SLC43A1: variants seen among roughly 807,000 people sequenced by gnomAD.
The protein encoded by SLC43A1 is solute carrier family 43 member 1, also known as large neutral amino acids transporter small subunit 3.
SLC43A1 carries 31 observed loss-of-function variants against 59.5 expected under a neutral mutation model. The ratio of observed to expected loss-of-function variants is 0.52; its 90% CI spans 0.39 to 0.70. The LOEUF (loss-of-function observed/expected upper bound fraction) is 0.70, where lower values mean the gene tolerates loss of function less well. SLC43A1 is among the 30% of genes least tolerant of loss of function. The pLI is 0.00. For synonymous variants in SLC43A1, 259 were observed against 290.9 expected (o/e 0.89, Z 1.12); for missense variants, 598 against 717.8 (o/e 0.83, Z 1.91).
rs532407467 is a variant in SLC43A1 at position 57,502,488 on chromosome 11, G to A, written c.155-1159C>T. 8.5e-5 allele frequency among the ~76,000 whole-genome samples: 13 copies of A among 152,286 alleles called. No homozygotes were observed. In the East Asian group the frequency reaches 2.5e-3, roughly 29 times the overall value. On this transcript the variant is annotated intron_variant, in intron 2 of 14. Transcript: ENST00000278426. ...AAGGGGTAGCTGACCCTCCTGGTGG[G>A]TCATGTGGTAAGCACGTACTCTAGG...
intron 11 of SLC43A1, 80 bp from the exon 12 acceptor site, chr11:57,489,472 C>G (rs1943839399): frequency 6.5e-7 from 1 of 1,531,092 alleles, no homozygotes; most frequent in Non-Finnish European, 8.9e-7. Context: ...CCTCCCCCTT[C>G]AGATGTGCCT....
chr11:57,496,198 C>A, intron 6 of SLC43A1, 34 bp from the exon 7 acceptor site: 9 of 1,611,304 alleles, frequency 5.6e-6, no homozygotes, highest in Non-Finnish European at 7.6e-6. Flanking sequence ...GTGGGGGAGA[C>A]TGCCTGGCCC....
Position 57,513,612 on chromosome 11 carries a change from G to C in SLC43A1, c.154+346C>G, listed in dbSNP as rs147815752. Among the ~76,000 whole-genome samples, 330 of 152,318 alleles carry C rather than the reference G, an allele frequency of 2.2e-3. 4 individuals carry two copies. Among genetic ancestry groups the C allele is most frequent in the African/African-American group, 7.5e-3 (313 of 41,584 alleles). On this transcript the variant is annotated intron_variant, in intron 2 of 14. Transcript: ENST00000278426. ...TTATATTCATACTCCACTTTGTGCA[G>C]CTCTCCCTTGTCTTATGATAGCCCT...
In SLC43A1 at chr11:57,497,932, G is replaced by A. The variant is rs184713456; in HGVS notation, c.466-87C>T. The A allele has an allele frequency of 4.0e-4, 358 of 901,690 alleles. 2 individuals are homozygous for A. The East Asian group carries it at 4.6e-3, about 12-fold the overall frequency. The allele number at this position is 901,690 out of a possible 1,614,324, so 55.9% of individuals were successfully genotyped here. On this transcript the variant is annotated intron_variant, in intron 5 of 14. Transcript: ENST00000278426. ...GCCCTGCTCCATACAATAGCCCCAGGAGACGCAGCAGAAAAGCCCCAAGGT... is the reference window on the plus strand; with the variant it reads ...GCCCTGCTCCATACAATAGCCCCAGAAGACGCAGCAGAAAAGCCCCAAGGT...
At chr11:57,487,532 A>G (rs1158277704) in intron 13 of SLC43A1, among the ~76,000 whole-genome samples, 1 of 152,058 alleles carries the variant, frequency 6.6e-6, no homozygotes, top group East Asian at 1.9e-4. Flanking sequence ...TCTGTCAACA[A>G]ACATTTAGCT....
At chr11:57,505,606 G>C (rs188695806) in intron 2 of SLC43A1, among the ~76,000 whole-genome samples, 1 of 152,102 alleles carries the variant, frequency 6.6e-6, no homozygotes, top group African/African-American at 2.4e-5. Flanking sequence ...TATGTATAAC[G>C]TGTGGGGGTG....
At chr11:57,509,318 G>A (rs1944467393) in intron 2 of SLC43A1, among the ~76,000 whole-genome samples, 2 of 152,008 alleles carry the variant, frequency 1.3e-5, no homozygotes, top group African/African-American at 4.8e-5. Context: ...GGCCGGGCAT[G>A]GTGGCTCACA....
intron 8 of SLC43A1, among the ~76,000 whole-genome samples, chr11:57,493,496 G>A (rs1476290394): frequency 1.3e-5 from 2 of 152,152 alleles, no homozygotes; most frequent in Admixed American, 6.5e-5. Context: ...CTCAACTCCC[G>A]CTCCTGACTC....
intron 8 of SLC43A1, 38 bp from the exon 9 acceptor site, chr11:57,491,900 C>A (rs1943917002): frequency 6.2e-7 from 1 of 1,603,646 alleles, no homozygotes; most frequent in Non-Finnish European, 8.5e-7. Context: ...AGCCCCAGAC[C>A]TTCCACTGCC....
chr11:57,507,286 G>A (rs1944415106), intron 2 of SLC43A1, among the ~76,000 whole-genome samples: 1 of 152,188 alleles, frequency 6.6e-6, no homozygotes, highest in African/African-American at 2.4e-5. Flanking sequence ...TGGGCAACAT[G>A]GTGAAACCCC....
intron 8 of SLC43A1, among the ~76,000 whole-genome samples, chr11:57,492,530 T>C (rs1331740330): frequency 1.9e-5 from 2 of 106,452 alleles, no homozygotes; most frequent in African/African-American, 7.8e-5. Context: ...ATATATATAA[T>C]TTTGTGTATA....
chr11:57,491,418 C>T, intron 10 of SLC43A1, 56 bp from the exon 11 acceptor site: 1 of 1,564,448 alleles, frequency 6.4e-7, no homozygotes. Flanking sequence ...TGGACACTAT[C>T]ACCCCTTCCA....
chr11:57,506,912 T>A (rs1177949213), intron 2 of SLC43A1, among the ~76,000 whole-genome samples: 1 of 152,230 alleles, frequency 6.6e-6, no homozygotes, highest in Non-Finnish European at 1.5e-5. Flanking sequence ...TAGTTTGTGA[T>A]AAATTGAACT....
intron 2 of SLC43A1, among the ~76,000 whole-genome samples, chr11:57,509,630 G>T (rs1944477411): frequency 7.6e-6 from 1 of 131,298 alleles, no homozygotes; most frequent in Admixed American, 7.9e-5. Flanking sequence ...AGGAAGGAAG[G>T]AAGGAAGGAA....
intron 2 of SLC43A1, among the ~76,000 whole-genome samples, chr11:57,503,065 G>A (rs1310056166): frequency 1.3e-5 from 2 of 152,036 alleles, no homozygotes; most frequent in Non-Finnish European, 2.9e-5. Context: ...AAAGGAATCT[G>A]TGTGTTGACA....
chr11:57,504,404 T>C lies in SLC43A1; in HGVS notation c.155-3075A>G, dbSNP rs557545339. On this transcript the variant is annotated intron_variant, in intron 2 of 14. Coordinates refer to ENST00000278426, the MANE Select transcript of SLC43A1 (RefSeq NM_003627.6). ...CCTCAGCTGGCATTTCCATTTGCAG[T>C]CCCTGAATTAGACACTGTTCCTGCT... Among the ~76,000 whole-genome samples the C allele has an allele frequency of 9.2e-5, 14 of 152,322 alleles. No homozygotes were observed. The East Asian group carries it at 2.7e-3, about 29-fold the overall frequency.
rs1943887463 is a variant in SLC43A1, at chr11:57,491,249, G to C, written c.1168C>G (p.Gln390Glu). Residue 390 changes from glutamine to glutamate, a missense_variant, in exon 11 of 15, where the codon CAG (glutamine) becomes GAG (glutamate). Transcript: ENST00000278426. ...RIKDCVDAPT[Q>E]GTVLGDARDG... ...CTGGCATCTCCGAGGACAGTGCCCT[G>C]AGTTGGGGCGTCCACGCAGTCCTTG... 4 of 1,601,728 alleles carry C rather than the reference G, an allele frequency of 2.5e-6. No individual in the cohort carries two copies. The highest frequency in any genetic ancestry group is 3.4e-6 in the Non-Finnish European group (4 of 1,172,708).
chr11:57,500,996 TCCCGGGA>T lies in SLC43A1; in HGVS notation c.373_379del (p.Ser125ThrfsTer8). On this transcript the variant is annotated frameshift_variant, in exon 4 of 15. Coordinates refer to ENST00000278426, the MANE Select transcript of SLC43A1 (RefSeq NM_003627.6). LOFTEE classifies it high-confidence loss of function. ...GAGGACAGACAACTCACCTTCCACGTCCCGGGAGGCCAGGGCCATGAGGGTGCAGGAC... is the reference window on the plus strand; with the variant it reads ...GAGGACAGACAACTCACCTTCCACGTGGCCAGGGCCATGAGGGTGCAGGAC... The T allele has an allele frequency of 6.3e-7, 1 of 1,599,216 alleles. No individual in the cohort carries two copies. Among genetic ancestry groups the T allele is most frequent in the Non-Finnish European group, 8.5e-7 (1 of 1,172,652 alleles).
chr11:57,509,184 G>A (rs914023011), intron 2 of SLC43A1, among the ~76,000 whole-genome samples: 8 of 151,880 alleles, frequency 5.3e-5, no homozygotes, highest in African/African-American at 1.9e-4. Context: ...AGATTTAGAA[G>A]CATACCCACT....
Sources: allele counts gnomAD v4.1 joint callset (sites outside exome capture counted in the v4.1 genomes callset), GRCh38; gene constraint gnomAD v4.1.1; transcripts MANE v1.5; gene names NCBI Gene and HGNC (gene_info 2026-07-23, HGNC 2026-07-21).